The following CCDC191 variants were observed in gnomAD, a reference collection of about 807,000 sequenced individuals.
CCDC191 encodes coiled-coil domain containing 191.
CCDC191 carries 99 observed loss-of-function variants against 114.0 expected under a neutral mutation model. The observed-to-expected ratio is 0.87, with a 90% CI of 0.74 to 1.03. The LOEUF is 1.03. Ranked by LOEUF, CCDC191 falls within the 50% of genes least tolerant of loss-of-function variation. The probability of loss-of-function intolerance (pLI) is 0.00; values close to 1 mark genes in which losing one functional copy is unlikely to be tolerated. For synonymous variants in CCDC191, 351 were observed against 376.0 expected (o/e 0.93, Z 0.77); for missense variants, 973 against 1,087.0 (o/e 0.90, Z 1.47).
At chr3:114,022,063 A>G (rs889027322) in intron 7 of CCDC191, among the ~76,000 whole-genome samples, 1 of 152,184 alleles carries the variant, frequency 6.6e-6, no homozygotes, top group Non-Finnish European at 1.5e-5. Flanking sequence ...GTACCTATCT[A>G]TAATAATTTC....
Position 114,018,707 on chromosome 3 carries a change from G to A in CCDC191, c.1134C>T (p.Ala378=), listed in dbSNP as rs771579392. 1 of 1,611,508 alleles carries A rather than the reference G, an allele frequency of 6.2e-7. No homozygotes were observed. The highest frequency in any genetic ancestry group is 1.1e-5 in the South Asian group (1 of 90,688). Residue 378 remains alanine, a synonymous_variant, in exon 8 of 17, where the codon GCC becomes GCT. Transcript: ENST00000295878. ...TTTCTTCCCTAAGATCATTTTCCAA[G>A]GCTTGAGTCTCCCGCTCCAACTTCT... is the stretch of plus-strand genomic sequence containing the variant. ...RFQKLERETQ[A]LENDLREENR...
intron 8 of CCDC191, 90 bp from the exon 9 acceptor site, chr3:114,011,111 C>A: frequency 6.6e-6 from 9 of 1,369,428 alleles, no homozygotes; most frequent in Non-Finnish European, 8.9e-6. Flanking sequence ...CAAAAGGGTT[C>A]TAGAAATGCT....
chr3:114,037,996 T>C (rs111345155), intron 4 of CCDC191, among the ~76,000 whole-genome samples: 153 of 152,352 alleles, frequency 1.0e-3, no homozygotes, highest in Non-Finnish European at 1.6e-3. Context: ...TGGATCATAT[T>C]ATAGCTAAAT....
Position 114,042,702 on chromosome 3 carries a change from C to G in CCDC191, c.415+1G>C, listed in dbSNP as rs1671660225. ...CTTAGAACAATCAGGTAAGTTCTTACCATCAAACTTGTCATATTTCAAATG... is the reference window on the plus strand; with the variant it reads ...CTTAGAACAATCAGGTAAGTTCTTAGCATCAAACTTGTCATATTTCAAATG... On this transcript the variant is annotated splice_donor_variant, in intron 4 of 16. Transcript: ENST00000295878. LOFTEE classifies it high-confidence loss of function. 2 of 1,572,454 alleles carry G rather than the reference C, an allele frequency of 1.3e-6. No individual in the cohort carries two copies. The highest frequency in any genetic ancestry group is 1.7e-6 in the Non-Finnish European group (2 of 1,164,972).
chr3:113,987,360 ATAAAGT>A (rs971937184), intron 13 of CCDC191, among the ~76,000 whole-genome samples: 2 of 152,198 alleles, frequency 1.3e-5, no homozygotes, highest in African/African-American at 4.8e-5. Context: ...AACAGAAGAA[ATAAAGT>A]TAAATATAAT....
chr3:114,036,899 T>C, intron 4 of CCDC191, 113 bp from the exon 5 acceptor site: 4 of 626,480 alleles, frequency 6.4e-6, no homozygotes, highest in Non-Finnish European at 9.6e-6. Context: ...GCTGCGAGTG[T>C]TCAATAAATA....
intron 10 of CCDC191, 141 bp from the exon 11 acceptor site, chr3:114,004,887 A>G: frequency 1.2e-6 from 1 of 861,840 alleles, no homozygotes; most frequent in Non-Finnish European, 1.7e-6. Flanking sequence ...TCCACTCCAT[A>G]AATATGTGTA....
Position 114,053,631 on chromosome 3 carries a change from G to T in CCDC191, c.95C>A (p.Thr32Asn), listed in dbSNP as rs767681602. The T allele has an allele frequency of 1.9e-6, 3 of 1,587,226 alleles. No homozygotes were observed. The South Asian group carries it at 3.4e-5, about 18-fold the overall frequency. Residue 32 changes from threonine (T) to asparagine (N), a missense_variant, in exon 2 of 17, where the codon ACT becomes AAT. Thr to Asn is a moderately conservative substitution (Grantham distance 65). Transcript: ENST00000295878. ...RFTRKPSPKP[T>N]FGPDSVEHWI... ...GTGTTCCACACTGTCAGGACCAAAA[G>T]TAGGCTGTAGATAACATATATATGA...
chr3:114,056,576 A>G, upstream of CCDC191: 1 of 1,599,996 alleles, frequency 6.3e-7, no homozygotes, highest in Non-Finnish European at 8.5e-7. Context: ...CAAGGAAAGC[A>G]GGCATAGGAC....
intron 3 of CCDC191, 79 bp from the exon 4 acceptor site, chr3:114,042,925 A>T: frequency 1.5e-6 from 2 of 1,307,738 alleles, no homozygotes; most frequent in Non-Finnish European, 2.1e-6. Flanking sequence ...TTTATTCAAT[A>T]AATATTAATT....
chr3:114,005,980 GT>G lies in CCDC191; in HGVS notation c.1414-19del. 1 of 1,594,826 alleles carries G rather than the reference GT, an allele frequency of 6.3e-7. No individual in the cohort carries two copies. On this transcript the variant is annotated intron_variant, in intron 9 of 16. Transcript: ENST00000295878. ...GCAGTCTCCTGAGAGAGAGAAACAT[GT>G]TATAGCTCAACTATTTAAAGGACTG...
chr3:114,029,057 G>T (rs1231078766), intron 7 of CCDC191, among the ~76,000 whole-genome samples: 1 of 152,014 alleles, frequency 6.6e-6, no homozygotes, highest in Non-Finnish European at 1.5e-5. Flanking sequence ...AACACACTTA[G>T]TGCCTAGATC....
intron 9 of CCDC191, among the ~76,000 whole-genome samples, chr3:114,008,573 TA>T (rs531941192): frequency 4.7e-4 from 71 of 152,082 alleles, no homozygotes; most frequent in African/African-American, 1.6e-3. Flanking sequence ...AGAGCAGTGA[TA>T]AAAGAAGAAG....
At chr3:114,005,288 C>T (rs912097525) in intron 10 of CCDC191, among the ~76,000 whole-genome samples, 1 of 152,168 alleles carries the variant, frequency 6.6e-6, no homozygotes, top group South Asian at 2.1e-4. Context: ...TCAAAGGCAG[C>T]CGTGACCCAA....
intron 7 of CCDC191, among the ~76,000 whole-genome samples, chr3:114,021,448 A>G (rs1415225057): frequency 6.6e-6 from 1 of 152,018 alleles, no homozygotes; most frequent in African/African-American, 2.4e-5. Flanking sequence ...AATCCCATTA[A>G]AATTTAAATT....
At chr3:114,027,430 A>G (rs1269590146) in intron 7 of CCDC191, among the ~76,000 whole-genome samples, 3 of 147,174 alleles carry the variant, frequency 2.0e-5, no homozygotes, top group African/African-American at 7.6e-5. Flanking sequence ...CCTGGCCAAC[A>G]TGGTGAAACT....
At chr3:114,033,954 T>C (rs1390739591) in intron 6 of CCDC191, among the ~76,000 whole-genome samples, 1 of 152,242 alleles carries the variant, frequency 6.6e-6, no homozygotes, top group African/African-American at 2.4e-5. Flanking sequence ...TTGTGGCCTC[T>C]CAGTTCGAGT....
chr3:114,005,773 C>T lies in CCDC191; in HGVS notation c.1603G>A (p.Glu535Lys), dbSNP rs774035593. 5.0e-6 allele frequency: 8 copies of T among 1,613,952 alleles called. No individual in the cohort carries two copies. The East Asian group carries it at 6.7e-5, about 13-fold the overall frequency. The change falls in exon 10 of 17, where the codon GAG becomes AAG. Residue 535 changes from glutamate to lysine, a missense_variant. Physicochemically the swap from Glu to Lys is moderately conservative, Grantham distance 56. Transcript: ENST00000295878. ...TTCTGGCTGGTAGTTCTGAGTGTCT[C>T]GTTGCTGCCAGGCTGTTGAGAGGGT... ...AEPSQQPGSN[E>K]TLRTTSQKAE...
chr3:113,976,212 T>TCCTACTACTGCACTCCAG (rs1941326416), intron 16 of CCDC191, among the ~76,000 whole-genome samples: 2 of 151,554 alleles, frequency 1.3e-5, no homozygotes, highest in Non-Finnish European at 2.9e-5. Flanking sequence ...TGAGCTGAGA[T>TCCTACTACTGCACTCCAG]CCTACTACTG....
Sources: gnomAD v4.1 joint callset for allele counts (sites outside exome capture counted in the v4.1 genomes callset) on GRCh38, gnomAD v4.1.1 for gene constraint, MANE v1.5 for transcripts, NCBI Gene and HGNC (gene_info 2026-07-23, HGNC 2026-07-21) for gene names.